The following CLEC16A variants were observed in gnomAD, a reference collection of about 807,000 sequenced individuals.
CLEC16A encodes protein CLEC16A.
CLEC16A carries 51 observed loss-of-function variants against 109.5 expected under a neutral mutation model. That is an observed-to-expected ratio of 0.47 (90% confidence interval 0.37 to 0.59). CLEC16A has a LOEUF of 0.59. Among genes scored for constraint, CLEC16A ranks in the 20% least tolerant of loss-of-function variants. CLEC16A has a pLI of 0.00. For missense variants in CLEC16A, 1,339 were observed against 1,394.0 expected (o/e 0.96, Z 0.63); for synonymous variants, 673 against 564.2 (o/e 1.19, Z -2.73).
chr16:10,989,416 G>A (rs540873341), intron 10 of CLEC16A, among the ~76,000 whole-genome samples: 2 of 151,186 alleles, frequency 1.3e-5, no homozygotes, highest in South Asian at 2.1e-4. Context: ...TTTTTGTTTT[G>A]TGGAGATGGG....
chr16:11,025,930 G>A (rs1241720693), intron 13 of CLEC16A, among the ~76,000 whole-genome samples: 2 of 152,098 alleles, frequency 1.3e-5, no homozygotes, highest in Non-Finnish European at 2.9e-5. Context: ...GAGTATATAT[G>A]GTTTTATTTG....
At chr16:11,111,225 A>G (rs1597416750) in intron 19 of CLEC16A, among the ~76,000 whole-genome samples, 2 of 152,160 alleles carry the variant, frequency 1.3e-5, no homozygotes, top group Admixed American at 1.3e-4. Flanking sequence ...GCTTAAAACA[A>G]CTATGGGAAT....
At chr16:11,035,460 G>GGAGGGAAA (rs1567224505) in intron 13 of CLEC16A, among the ~76,000 whole-genome samples, 1 of 152,128 alleles carries the variant, frequency 6.6e-6, no homozygotes, top group Admixed American at 6.5e-5. Flanking sequence ...TTGGGAAGGT[G>GGAGGGAAA]GAGGGAAAGA....
At chr16:11,162,627 G>A (rs747417575) in intron 22 of CLEC16A, among the ~76,000 whole-genome samples, 1 of 152,176 alleles carries the variant, frequency 6.6e-6, no homozygotes, top group Non-Finnish European at 1.5e-5. Flanking sequence ...GGAAACATAT[G>A]GGACATGCTT....
At chr16:11,023,115 T>TC (rs2046216158) in intron 12 of CLEC16A, among the ~76,000 whole-genome samples, 2 of 150,130 alleles carry the variant, frequency 1.3e-5, no homozygotes, top group African/African-American at 4.9e-5. Context: ...TTTTTTTTTT[T>TC]CCGATGTGAA....
chr16:11,033,824 C>T (rs922069007), intron 13 of CLEC16A, among the ~76,000 whole-genome samples: 1 of 152,286 alleles, frequency 6.6e-6, no homozygotes, highest in African/African-American at 2.4e-5. Flanking sequence ...TGGCGGAAGG[C>T]GCTTGTTGTG....
At chr16:11,021,181 C>G (rs555286587) in intron 12 of CLEC16A, among the ~76,000 whole-genome samples, 2 of 152,180 alleles carry the variant, frequency 1.3e-5, no homozygotes, top group Non-Finnish European at 2.9e-5. Context: ...GTGAAGTCCA[C>G]TAATTTTTTT....
In CLEC16A at chr16:11,044,927, CA is replaced by C. The variant is rs71404442; in HGVS notation, c.1815+873del. ...GGCAACAAGAGCGAAAACTCCATCT[CA>C]AAAAAAAAAAAAAAAAACTAATTGC... On this transcript the variant is annotated intron_variant, in intron 16 of 23. Transcript: ENST00000409790. Among the ~76,000 whole-genome samples, 217 of 86,936 alleles carry C rather than the reference CA, an allele frequency of 2.5e-3. 2 individuals are homozygous for C. Among genetic ancestry groups the C allele is most frequent in the South Asian group, 6.8e-3 (19 of 2,798 alleles). 57.0% of individuals were successfully genotyped at this position (86,936 alleles called of 152,430 possible).
intron 10 of CLEC16A, among the ~76,000 whole-genome samples, chr16:10,996,280 A>G (rs1336245034): frequency 6.6e-6 from 1 of 152,194 alleles, no homozygotes; most frequent in Non-Finnish European, 1.5e-5. Flanking sequence ...CTGAGAGGCT[A>G]CTGGCTGGCC....
intron 19 of CLEC16A, among the ~76,000 whole-genome samples, chr16:11,118,113 G>T (rs1008833709): frequency 3.3e-5 from 5 of 151,738 alleles, no homozygotes; most frequent in African/African-American, 1.2e-4. Context: ...TAGCTGTGAG[G>T]CTAATTTTTT....
intron 19 of CLEC16A, among the ~76,000 whole-genome samples, chr16:11,115,880 TATATA>T (rs1169698515): frequency 1.3e-5 from 2 of 151,290 alleles, no homozygotes; most frequent in African/African-American, 4.8e-5. Context: ...TATTAAAACA[TATATA>T]TTATAAATTT....
intron 19 of CLEC16A, among the ~76,000 whole-genome samples, chr16:11,061,676 G>A (rs1282108957): frequency 6.6e-6 from 1 of 152,194 alleles, no homozygotes; most frequent in African/African-American, 2.4e-5. Context: ...GAGCAGCATG[G>A]TTTTCTGTTT....
intron 10 of CLEC16A, among the ~76,000 whole-genome samples, chr16:10,987,392 C>G (rs6498142): frequency 0.77 from 117,094 of 151,986 alleles, 45,576 homozygotes; most frequent in East Asian, 0.9. Flanking sequence ...GGCTGTAGCT[C>G]AACCATTTAG....
At chr16:11,162,194 A>G (rs934333711) in intron 22 of CLEC16A, among the ~76,000 whole-genome samples, 2 of 152,258 alleles carry the variant, frequency 1.3e-5, no homozygotes, top group African/African-American at 4.8e-5. Context: ...GGCAACAGGA[A>G]GACTCTGGGC....
intron 22 of CLEC16A, among the ~76,000 whole-genome samples, chr16:11,143,445 G>T (rs921714898): frequency 6.6e-6 from 1 of 152,182 alleles, no homozygotes; most frequent in Non-Finnish European, 1.5e-5. Context: ...GTGGCAGCAG[G>T]CTGGGTGGGA....
At position 11,141,332 on chromosome 16, in the gene CLEC16A, C is replaced by T. The variant is rs189212866; in HGVS notation, c.2641+15186C>T. Among the ~76,000 whole-genome samples, 495 of 152,376 alleles carry T rather than the reference C, an allele frequency of 3.2e-3. 2 individuals are homozygous for T. The highest frequency in any genetic ancestry group is 5.3e-3 in the Non-Finnish European group (361 of 68,036). ...GTGCACACCAAGTGCCTCCTGCAACCCGTCCTAGGCCCCCGTGCAGAGGAC... is the reference window on the plus strand; with the variant it reads ...GTGCACACCAAGTGCCTCCTGCAACTCGTCCTAGGCCCCCGTGCAGAGGAC... On this transcript the variant is annotated intron_variant, in intron 22 of 23. Coordinates refer to ENST00000409790, the MANE Select transcript of CLEC16A (RefSeq NM_015226.3).
At position 10,961,262 on chromosome 16, in the gene CLEC16A, G is replaced by C. The variant is rs1596757157; in HGVS notation, c.210-1193G>C. ...GCAGATGGGCCTCCGAGTTGGAGAAGATTGTAAGGGTCTTTTTTAGGCCAT... is the reference window on the plus strand; with the variant it reads ...GCAGATGGGCCTCCGAGTTGGAGAACATTGTAAGGGTCTTTTTTAGGCCAT... On this transcript the variant is annotated intron_variant, in intron 2 of 23. Coordinates refer to ENST00000409790, the MANE Select transcript of CLEC16A (RefSeq NM_015226.3). The surrounding 1 kb of genome is among the most constrained non-coding windows in gnomAD (Gnocchi z 4.3). Among the ~76,000 whole-genome samples the C allele has an allele frequency of 6.6e-6, 1 of 152,288 alleles. No homozygotes were observed. The highest frequency in any genetic ancestry group is 1.5e-5 in the Non-Finnish European group (1 of 68,030).
intron 1 of CLEC16A, among the ~76,000 whole-genome samples, chr16:10,949,226 C>T (rs1489027543): frequency 2.6e-5 from 4 of 152,156 alleles, no homozygotes; most frequent in Non-Finnish European, 5.9e-5. Flanking sequence ...AGTGTTAGAG[C>T]TTGGGGTACA....
chr16:11,002,407 G>A (rs190952587), intron 10 of CLEC16A, among the ~76,000 whole-genome samples: 256 of 152,342 alleles, frequency 1.7e-3, no homozygotes, highest in Non-Finnish European at 2.8e-3. Context: ...TGGCACTGTT[G>A]TTTTGATTAT....
Sources: allele counts gnomAD v4.1 joint callset (sites outside exome capture counted in the v4.1 genomes callset), GRCh38; gene constraint gnomAD v4.1.1; non-coding constraint Gnocchi (gnomAD v3.1); transcripts MANE v1.5; gene names NCBI Gene and HGNC (gene_info 2026-07-23, HGNC 2026-07-21).